NLRP7: variants seen among roughly 807,000 people sequenced by gnomAD.
NLRP7 encodes NLR family pyrin domain containing 7.
A neutral mutation model predicts 85.5 loss-of-function variants in NLRP7; 72 were observed. That is an observed-to-expected ratio of 0.84 (90% CI 0.70 to 1.02). The LOEUF is 1.02. Ranked by LOEUF, NLRP7 falls within the 50% of genes least tolerant of loss-of-function variation. The probability of loss-of-function intolerance (pLI) is 0.00; values close to 1 mark genes in which losing one functional copy is unlikely to be tolerated. For synonymous variants in NLRP7, 550 were observed against 505.2 expected (o/e 1.09, Z -1.19); for missense variants, 1,243 against 1,219.5 (o/e 1.02, Z -0.29).
intron 1 of NLRP7, among the ~76,000 whole-genome samples, chr19:54,945,191 C>A (rs1261596341): frequency 3.6e-5 from 5 of 137,494 alleles, no homozygotes; most frequent in African/African-American, 1.4e-4. Context: ...TGCAGTGAGC[C>A]AAGATCGCGC....
At chr19:54,928,192 C>A (rs1003440549) in intron 9 of NLRP7, among the ~76,000 whole-genome samples, 3 of 152,130 alleles carry the variant, frequency 2.0e-5, no homozygotes. Flanking sequence ...TGCACTCCAG[C>A]CTGGGCAATA....
rs104895520 is a variant in NLRP7 at position 54,938,418 on chromosome 19, CA to C, written c.1932-178del. Among the ~76,000 whole-genome samples, 5,017 of 151,790 alleles carry C rather than the reference CA, an allele frequency of 0.033. 265 individuals are homozygous for C. The highest frequency in any genetic ancestry group is 0.11 in the African/African-American group (4,579 of 41,378). ...CTACCAGTATAGATCTTAAGTTTTA[CA>C]AAAAAAATAAAATAATAGATAAGGC... On this transcript the variant is annotated intron_variant, in intron 4 of 9. Transcript: ENST00000340844.
rs191777461 is a variant in NLRP7, at chr19:54,936,129, C to A, written c.2300+132G>T. 877 of 791,088 alleles carry A rather than the reference C, an allele frequency of 1.1e-3. 7 individuals are homozygous for A. The East Asian group carries it at 0.021, about 19-fold the overall frequency. The allele number at this position is 791,088 out of a possible 1,614,324, so 49.0% of individuals were successfully genotyped here. A position where few individuals can be genotyped will look rare whatever the true frequency, so the allele number is the denominator to read the frequency against. ...GAAAGAGGAGAGGCCGACTCCCCCA[C>A]ACAGGCCTGTTTGAGGAATACATTC... On this transcript the variant is annotated intron_variant, in intron 6 of 9. Coordinates refer to ENST00000340844, the Ensembl canonical transcript of NLRP7.
intron 8 of NLRP7, among the ~76,000 whole-genome samples, chr19:54,932,654 T>C (rs1208368568): frequency 2.0e-5 from 3 of 151,072 alleles, no homozygotes; most frequent in Non-Finnish European, 4.4e-5. Flanking sequence ...TTTTGTTGAG[T>C]TTTTTTTTGT....
At chr19:54,956,136 G>A (rs1569542263) in intron 1 of NLRP7, among the ~76,000 whole-genome samples, 1 of 138,280 alleles carries the variant, frequency 7.2e-6, no homozygotes, top group Non-Finnish European at 1.5e-5. Context: ...GGAGAGAAAG[G>A]AAGGAAGGAG....
intron 1 of NLRP7, among the ~76,000 whole-genome samples, chr19:54,962,880 T>G (rs967236184): frequency 2.0e-5 from 3 of 151,966 alleles, no homozygotes; most frequent in Non-Finnish European, 4.4e-5. Flanking sequence ...ATTACAGGCG[T>G]GAGGCACCAC....
At chr19:54,944,134 GC>G (rs1210487241) in intron 1 of NLRP7, among the ~76,000 whole-genome samples, 1 of 151,990 alleles carries the variant, frequency 6.6e-6, no homozygotes, top group Non-Finnish European at 1.5e-5. Context: ...CCGTACCCCA[GC>G]CCGACACCCG....
At chr19:54,940,080 T>C (rs755501156) in exon 4 of NLRP7, 3 of 1,614,200 alleles carry the variant, frequency 1.9e-6, no homozygotes, top group Non-Finnish European at 2.5e-6. Context: ...AACAGGATTC[T>C]CTGTGCTTGG....
chr19:54,928,191 G>T lies in NLRP7; in HGVS notation c.2810+2308C>A, dbSNP rs147957271. On this transcript the variant is annotated intron_variant, in intron 9 of 9. Transcript: ENST00000340844. ...GCCCAGATTGCGCCACTGCACTCCAGCCTGGGCAATAGAATGAGACTCCAT... is the reference window on the plus strand; with the variant it reads ...GCCCAGATTGCGCCACTGCACTCCATCCTGGGCAATAGAATGAGACTCCAT... 2.6e-3 allele frequency among the ~76,000 whole-genome samples: 403 copies of T among 152,290 alleles called. 4 individuals carry two copies. The highest frequency in any genetic ancestry group is 9.2e-3 in the African/African-American group (383 of 41,570).
intron 1 of NLRP7, among the ~76,000 whole-genome samples, chr19:54,955,456 T>C (rs1487827514): frequency 6.6e-6 from 1 of 152,068 alleles, no homozygotes; most frequent in Non-Finnish European, 1.5e-5. Flanking sequence ...ATTGCTTGAG[T>C]TCAAGAGTTC....
At chr19:54,937,695 C>T (rs748072475) in intron 5 of NLRP7, among the ~76,000 whole-genome samples, 3 of 151,916 alleles carry the variant, frequency 2.0e-5, no homozygotes, top group Non-Finnish European at 4.4e-5. Context: ...GTCAGGAGCT[C>T]GAGATCAGCC....
chr19:54,937,796 C>CT (rs2069000321), intron 5 of NLRP7, among the ~76,000 whole-genome samples: 1 of 148,780 alleles, frequency 6.7e-6, no homozygotes, highest in Non-Finnish European at 1.5e-5. Flanking sequence ...ACTCGGGAGG[C>CT]TGAGGCAGGA....
intron 1 of NLRP7, 140 bp downstream of exon 1, chr19:54,947,326 CAAA>C: frequency 1.1e-5 from 5 of 460,042 alleles, no homozygotes; most frequent in Non-Finnish European, 1.8e-5. Flanking sequence ...GACTCCGTCT[CAAA>C]AAAAAAAAAA....
In NLRP7 at chr19:54,936,934, C is replaced by T. The variant is rs775605280; in HGVS notation, c.2130-503G>A. Among the ~76,000 whole-genome samples, 3 of 150,170 alleles carry T rather than the reference C, an allele frequency of 2.0e-5. No individual in the cohort carries two copies. In the South Asian group the frequency reaches 6.3e-4, roughly 32 times the overall value. On this transcript the variant is annotated intron_variant, in intron 5 of 9. Transcript: ENST00000340844. ...CATCTCAAAAGAAAAAAAAATTCGC[C>T]GGGTGTGGTGGCTCACGCCTGTAAT...
intron 1 of NLRP7, among the ~76,000 whole-genome samples, chr19:54,958,043 G>C (rs993137264): frequency 6.6e-6 from 1 of 151,888 alleles, no homozygotes; most frequent in Non-Finnish European, 1.5e-5. Flanking sequence ...TGGTGAGACC[G>C]TGTCTTTACT....
chr19:54,933,756 C>T lies in NLRP7; in HGVS notation c.2472-17G>A. On this transcript the variant is annotated splice_polypyrimidine_tract_variant and intron_variant, in intron 7 of 9. Transcript: ENST00000340844. ...TTTTCCAACCTGCAAAAATATGAAA[C>T]AAATGGTAGAAGGATGAGAACATTT... 6.2e-7 allele frequency: 1 copy of T among 1,611,030 alleles called. No individual in the cohort carries two copies. Among genetic ancestry groups the T allele is most frequent in the African/African-American group, 1.3e-5 (1 of 74,992 alleles).
chr19:54,936,516 A>G lies in NLRP7; in HGVS notation c.2130-85T>C, dbSNP rs2068936328. On this transcript the variant is annotated intron_variant, in intron 5 of 9. Coordinates refer to ENST00000340844, the Ensembl canonical transcript of NLRP7. Reference sequence around the variant, plus strand: ...ATGTATAAACAAAAAGCTGTTTCACATTTAGAAATTATTAGAAGTTCTTGG... The same window carrying G: ...ATGTATAAACAAAAAGCTGTTTCACGTTTAGAAATTATTAGAAGTTCTTGG... 4.1e-6 allele frequency: 5 copies of G among 1,209,728 alleles called. No homozygotes were observed. In the Admixed American group the frequency reaches 7.2e-5, roughly 17 times the overall value. 74.9% of individuals were successfully genotyped at this position (1,209,728 alleles called of 1,614,324 possible). A position where few individuals can be genotyped will look rare whatever the true frequency, so the allele number is the denominator to read the frequency against.
At chr19:54,964,168 C>G (rs1409384323) in intron 1 of NLRP7, among the ~76,000 whole-genome samples, 1 of 132,706 alleles carries the variant, frequency 7.5e-6, no homozygotes. Context: ...CGTGAGCCAC[C>G]GCGCCCGGCC....
chr19:54,927,021 A>G (rs1039419808), intron 9 of NLRP7, among the ~76,000 whole-genome samples: 1 of 151,252 alleles, frequency 6.6e-6, no homozygotes, highest in African/African-American at 2.4e-5. Flanking sequence ...ACCTGTGAGA[A>G]GGAGGCTGCA....
Sources: allele counts gnomAD v4.1 joint callset (sites outside exome capture counted in the v4.1 genomes callset), GRCh38; gene constraint gnomAD v4.1.1; transcripts MANE v1.5; gene names NCBI Gene and HGNC (gene_info 2026-07-23, HGNC 2026-07-21).